Variants in TPRG1 observed in about 807,000 individuals in gnomAD.
TPRG1 encodes tumor protein p63 regulated 1.
TPRG1 carries 29 observed loss-of-function variants against 29.3 expected under a neutral mutation model. That is an observed-to-expected ratio of 0.99 (90% confidence interval 0.74 to 1.35). The LOEUF (loss-of-function observed/expected upper bound fraction) is 1.35, where lower values mean the gene tolerates loss of function less well. Ranked by LOEUF, TPRG1 falls within the 40% of genes most tolerant of loss-of-function variation. TPRG1 has a pLI of 0.00. For synonymous variants in TPRG1, 130 were observed against 116.8 expected (o/e 1.11, Z -0.73); for missense variants, 327 against 335.0 (o/e 0.98, Z 0.19).
At chr3:189,211,538 C>T (rs941363035) in intron 2 of TPRG1, 3 of 152,174 alleles carry the variant, frequency 2.0e-5, no homozygotes, top group African/African-American at 7.2e-5. Flanking sequence ...CCCCTTAAAC[C>T]TCTTGTATTC....
intron 2 of TPRG1, among the ~76,000 whole-genome samples, chr3:189,213,305 A>G (rs1340908003): frequency 2.6e-5 from 4 of 152,234 alleles, no homozygotes; most frequent in African/African-American, 4.8e-5. Context: ...ATGGATCCTC[A>G]TAAGAAAGGC....
chr3:189,110,768 T>A (rs1322441066), intron 1 of TPRG1, among the ~76,000 whole-genome samples: 1 of 152,060 alleles, frequency 6.6e-6, no homozygotes, highest in African/African-American at 2.4e-5. Flanking sequence ...TATTTTGTTT[T>A]GCTTTGTGCA....
chr3:189,219,834 C>T, intron 3 of TPRG1: 6 of 870,976 alleles, frequency 6.9e-6, no homozygotes, highest in Non-Finnish European at 8.3e-6. Context: ...AATTCTTGTT[C>T]TTCATCTTTA....
chr3:189,215,679 CATTCTA>C (rs1735960751), intron 3 of TPRG1, among the ~76,000 whole-genome samples: 1 of 151,958 alleles, frequency 6.6e-6, no homozygotes, highest in African/African-American at 2.4e-5. Flanking sequence ...CTAATTCTCT[CATTCTA>C]ATCTCTTATT....
chr3:189,267,138 A>G (rs1306553390), intron 4 of TPRG1, among the ~76,000 whole-genome samples: 1 of 152,224 alleles, frequency 6.6e-6, no homozygotes, highest in Non-Finnish European at 1.5e-5. Flanking sequence ...GATATACAAA[A>G]ACTTACCACT....
In TPRG1 at chr3:189,150,433, G is replaced by A. The variant is rs539147307; in HGVS notation, c.-226-223G>A. 6.6e-5 allele frequency among the ~76,000 whole-genome samples: 10 copies of A among 152,096 alleles called. No individual in the cohort carries two copies. In the East Asian group the frequency reaches 1.2e-3, roughly 18 times the overall value. ...CTTGACCTTGTGATTCACCCGCCTCGGCCTCCCAAAGTGCTGGGATTACAG... is the reference window on the plus strand; with the variant it reads ...CTTGACCTTGTGATTCACCCGCCTCAGCCTCCCAAAGTGCTGGGATTACAG... On this transcript the variant is annotated intron_variant, in intron 4 of 6. Transcript: ENST00000412373.
At chr3:189,227,909 C>T (rs1288854497) in intron 3 of TPRG1, among the ~76,000 whole-genome samples, 1 of 152,092 alleles carries the variant, frequency 6.6e-6, no homozygotes, top group African/African-American at 2.4e-5. Flanking sequence ...ATTGCCAGAG[C>T]TCAGGAGTTC....
At chr3:189,100,742 A>C (rs558766230) in intron 1 of TPRG1, among the ~76,000 whole-genome samples, 1 of 152,164 alleles carries the variant, frequency 6.6e-6, no homozygotes, top group Non-Finnish European at 1.5e-5. Flanking sequence ...TTGGCTGACT[A>C]TGAGAGCTTG....
At chr3:189,306,813 C>CT (rs1227291711) in intron 4 of TPRG1, among the ~76,000 whole-genome samples, 1 of 150,418 alleles carries the variant, frequency 6.6e-6, no homozygotes, top group Non-Finnish European at 1.5e-5. Context: ...CGTTATCCTC[C>CT]TGTTTTTCAC....
intron 4 of TPRG1, among the ~76,000 whole-genome samples, chr3:189,280,251 A>G (rs2109131652): frequency 6.6e-6 from 1 of 152,260 alleles, no homozygotes; most frequent in South Asian, 2.1e-4. Context: ...ACCTGTGGAT[A>G]TACATAAATG....
At chr3:189,080,973 G>A (rs777273287) in intron 4 of TPRG1, among the ~76,000 whole-genome samples, 1 of 152,088 alleles carries the variant, frequency 6.6e-6, no homozygotes, top group African/African-American at 2.4e-5. Context: ...TTACACGTGG[G>A]CCAGCTAGAG....
chr3:189,082,928 G>A (rs73890956), intron 4 of TPRG1, among the ~76,000 whole-genome samples: 13,570 of 152,180 alleles, frequency 0.089, 764 homozygotes, highest in African/African-American at 0.16. Flanking sequence ...CACATGCACA[G>A]GAGATTTTGT....
chr3:189,324,560 G>A lies in TPRG1; in HGVS notation c.*3740G>A, dbSNP rs977864152. ...TATAGAGCTCTCCGATTTCCTATCT[G>A]ATAAAAAAAGCCCAAACAAAGCTGC... On this transcript the variant is annotated 3_prime_UTR_variant, in exon 6 of 6. Coordinates refer to ENST00000345063, the MANE Select transcript of TPRG1 (RefSeq NM_198485.4). 6.6e-6 allele frequency: 1 copy of A among 152,094 alleles called. No homozygotes were observed. The highest frequency in any genetic ancestry group is 1.5e-5 in the Non-Finnish European group (1 of 68,028). 9.4% of individuals were successfully genotyped at this position (152,094 alleles called of 1,614,324 possible).
chr3:189,256,577 G>A (rs190774324), intron 4 of TPRG1, among the ~76,000 whole-genome samples: 216 of 152,164 alleles, frequency 1.4e-3, no homozygotes, highest in African/African-American at 4.7e-3. Context: ...TTTCTGTCTC[G>A]TTGATCTGTC....
intron 4 of TPRG1, among the ~76,000 whole-genome samples, chr3:189,260,975 C>T (rs777660239): frequency 4.6e-5 from 7 of 152,300 alleles, no homozygotes; most frequent in Non-Finnish European, 7.4e-5. Context: ...TGGGTGAAAC[C>T]GGCTCGTGGC....
chr3:189,216,343 G>A (rs2108843420), intron 3 of TPRG1, among the ~76,000 whole-genome samples: 1 of 152,240 alleles, frequency 6.6e-6, no homozygotes, highest in South Asian at 2.1e-4. Context: ...TTTCAGGAGG[G>A]CAACACTTGA....
intron 4 of TPRG1, among the ~76,000 whole-genome samples, chr3:189,067,312 A>G (rs1424385212): frequency 3.9e-5 from 6 of 152,192 alleles, no homozygotes; most frequent in African/African-American, 1.4e-4. Flanking sequence ...AGAAATAGAA[A>G]AAATAATCCT....
chr3:189,217,316 A>G (rs1397493008), intron 3 of TPRG1, among the ~76,000 whole-genome samples: 1 of 152,222 alleles, frequency 6.6e-6, no homozygotes, highest in Non-Finnish European at 1.5e-5. Flanking sequence ...AGGAAGCTCA[A>G]AAGTTGGTAA....
intron 4 of TPRG1, among the ~76,000 whole-genome samples, chr3:189,262,581 T>C (rs950914141): frequency 1.3e-5 from 2 of 152,128 alleles, no homozygotes; most frequent in African/African-American, 4.8e-5. Context: ...GAAATAATCA[T>C]GTCTGATAAG....
Sources: allele counts gnomAD v4.1 joint callset (sites outside exome capture counted in the v4.1 genomes callset), GRCh38; gene constraint gnomAD v4.1.1; transcripts MANE v1.5; gene names NCBI Gene and HGNC (gene_info 2026-07-23, HGNC 2026-07-21).